Variants in ADCY7 observed in about 807,000 individuals in gnomAD.
The protein encoded by ADCY7 is adenylate cyclase 7.
In ADCY7, 72 loss-of-function variants were observed where a neutral mutation model predicts 120.6. The observed-to-expected ratio is 0.60, with a 90% CI of 0.49 to 0.73. The LOEUF (loss-of-function observed/expected upper bound fraction) is 0.73, where lower values mean the gene tolerates loss of function less well. ADCY7 is among the 30% of genes least tolerant of loss of function. The pLI, the probability that ADCY7 is intolerant of heterozygous loss-of-function variation, is 0.00. For missense variants in ADCY7, 1,227 were observed against 1,486.0 expected (o/e 0.83, Z 2.87); for synonymous variants, 661 against 628.0 (o/e 1.05, Z -0.78).
chr16:50,317,521 C>T lies in ADCY7; in HGVS notation c.*2016C>T, dbSNP rs1457440854. On this transcript the variant is annotated 3_prime_UTR_variant, in exon 26 of 26. Coordinates refer to ENST00000673801, the MANE Select transcript of ADCY7 (RefSeq NM_001114.5). ...TATTTGTTTTTTTCTTCAGTAACAA[C>T]AGAAACCCCAGTTGGGAGTTTAACA... 6.6e-6 allele frequency: 1 copy of T among 152,332 alleles called. No homozygotes were observed. The highest frequency in any genetic ancestry group is 2.4e-5 in the African/African-American group (1 of 41,442). 9.4% of individuals were successfully genotyped at this position (152,332 alleles called of 1,614,324 possible).
rs1236954060 is a variant in ADCY7 at position 50,315,835 on chromosome 16, T to C, written c.*330T>C. 3.9e-6 allele frequency: 1 copy of C among 259,476 alleles called. No individual in the cohort carries two copies. Among genetic ancestry groups the C allele is most frequent in the East Asian group, 8.0e-5 (1 of 12,566 alleles). The allele number at this position is 259,476 out of a possible 1,614,324, so 16.1% of individuals were successfully genotyped here. On this transcript the variant is annotated 3_prime_UTR_variant, in exon 26 of 26. Coordinates refer to ENST00000673801, the MANE Select transcript of ADCY7 (RefSeq NM_001114.5). ...CCAGGCAGGCAACTTTAGCACATGA[T>C]GAAAACAGACTTCCACCTCAGTGGC...
chr16:50,306,171 G>A (rs1339647664), intron 14 of ADCY7, among the ~76,000 whole-genome samples: 2 of 152,236 alleles, frequency 1.3e-5, no homozygotes, highest in Non-Finnish European at 2.9e-5. Context: ...CACCGGCCTT[G>A]CAATGAGACG....
At chr16:50,299,129 A>G in intron 8 of ADCY7, 98 bp downstream of exon 8, 1 of 1,429,268 alleles carries the variant, frequency 7.0e-7, no homozygotes, top group Non-Finnish European at 9.2e-7. Flanking sequence ...AGATGGGGAA[A>G]CTGAGGCTCG....
In ADCY7 at chr16:50,310,895, G is replaced by T; in HGVS notation, c.2354+15G>T. On this transcript the variant is annotated intron_variant, in intron 19 of 25. Transcript: ENST00000673801. ...GGCACCACCAGGTGGGGTCCCGCCC[G>T]TCCCCGTCCCCATCCCCATGGTGGC... The T allele has an allele frequency of 6.4e-7, 1 of 1,566,402 alleles. No homozygotes were observed. The highest frequency in any genetic ancestry group is 1.4e-5 in the African/African-American group (1 of 73,906).
In ADCY7 at chr16:50,317,626, T is replaced by C. The variant is rs575235975; in HGVS notation, c.*2121T>C. 2 of 152,386 alleles carry C rather than the reference T, an allele frequency of 1.3e-5. No homozygotes were observed. Among genetic ancestry groups the C allele is most frequent in the Non-Finnish European group, 2.9e-5 (2 of 68,048 alleles). The allele number at this position is 152,386 out of a possible 1,614,324, so 9.4% of individuals were successfully genotyped here. A position where few individuals can be genotyped will look rare whatever the true frequency, so the allele number is the denominator to read the frequency against. On this transcript the variant is annotated 3_prime_UTR_variant, in exon 26 of 26. Transcript: ENST00000673801. ...TGTGCTGTGCTCAGATAATAATAGT[T>C]TGTAAGTAAAAGTTTTTAGTTTTCA... is the stretch of plus-strand genomic sequence containing the variant.
rs185257697 is a variant in ADCY7, at chr16:50,279,091, C to T, written c.-268-8821C>T. 7.1e-3 allele frequency among the ~76,000 whole-genome samples: 1,079 copies of T among 152,232 alleles called. 6 individuals carry two copies. The highest frequency in any genetic ancestry group is 0.012 in the Non-Finnish European group (795 of 68,008). ...TTCACCATGTTGGCCAGGCTGGTCTCGAACTCCTGGCCTCAAGCTATCCAC... is the reference window on the plus strand; with the variant it reads ...TTCACCATGTTGGCCAGGCTGGTCTTGAACTCCTGGCCTCAAGCTATCCAC... On this transcript the variant is annotated intron_variant, in intron 1 of 25. Transcript: ENST00000673801.
At chr16:50,295,153 T>C (rs1002601078) in intron 7 of ADCY7, among the ~76,000 whole-genome samples, 3 of 152,080 alleles carry the variant, frequency 2.0e-5, no homozygotes, top group African/African-American at 4.8e-5. Flanking sequence ...CTGAGGTGAA[T>C]CATGTGCACA....
At chr16:50,264,285 T>A (rs1474920939), upstream of ADCY7, among the ~76,000 whole-genome samples, 1 of 152,260 alleles carries the variant, frequency 6.6e-6, no homozygotes, top group African/African-American at 2.4e-5. Context: ...TTCATTCATG[T>A]TGTGTGTTAG....
chr16:50,298,065 C>T (rs1312140725), intron 7 of ADCY7, among the ~76,000 whole-genome samples: 1 of 152,008 alleles, frequency 6.6e-6, no homozygotes, highest in Non-Finnish European at 1.5e-5. Context: ...GGGCCTTTTC[C>T]TATGAGTCCC....
At chr16:50,286,279 T>C (rs1477812452) in intron 1 of ADCY7, among the ~76,000 whole-genome samples, 1 of 149,008 alleles carries the variant, frequency 6.7e-6, no homozygotes, top group Admixed American at 6.6e-5. Context: ...CTCAGGTAAT[T>C]CTCCCACCTT....
At chr16:50,279,528 TC>T (rs1161673841) in intron 1 of ADCY7, 1 of 60,068 alleles carries the variant, frequency 1.7e-5, no homozygotes, top group Non-Finnish European at 3.7e-5. Context: ...GATTGCTTAG[TC>T]AGTTGATAAA....
chr16:50,311,582 T>G, intron 19 of ADCY7, 111 bp from the exon 20 acceptor site: 19 of 607,902 alleles, frequency 3.1e-5, no homozygotes, highest in East Asian at 1.5e-4. Context: ...ACCCACCCCA[T>G]TAGAATCAAT....
At position 50,297,786 on chromosome 16, in the gene ADCY7, G is replaced by A. The variant is rs892679966; in HGVS notation, c.949-1118G>A. 6.6e-6 allele frequency among the ~76,000 whole-genome samples: 1 copy of A among 152,218 alleles called. No homozygotes were observed. The highest frequency in any genetic ancestry group is 2.4e-5 in the African/African-American group (1 of 41,470). On this transcript the variant is annotated intron_variant, in intron 7 of 25. Transcript: ENST00000673801. The surrounding 1 kb of genome is among the most constrained non-coding windows in gnomAD (Gnocchi z 4.4). ...CAGGCCTAGCCCTCGTGAGCCTGCA[G>A]GACAGAGCCCTCTTAGCTCCCTCCT...
intron 1 of ADCY7, among the ~76,000 whole-genome samples, chr16:50,251,972 A>T (rs1331200942): frequency 6.6e-6 from 1 of 152,132 alleles, no homozygotes; most frequent in African/African-American, 2.4e-5. Flanking sequence ...GAGGAAGAGG[A>T]GCTGAAGCTT....
rs989232775 is a variant in ADCY7 at position 50,316,048 on chromosome 16, A to G, written c.*543A>G. ...TCTGTAAACGGTTTCAAACAGGTAG[A>G]GAGAAAAACACCACAATTAACACTG... On this transcript the variant is annotated 3_prime_UTR_variant, in exon 26 of 26. Transcript: ENST00000673801. The G allele has an allele frequency of 6.5e-6, 1 of 153,346 alleles. No individual in the cohort carries two copies. The highest frequency in any genetic ancestry group is 2.4e-5 in the African/African-American group (1 of 41,478). The allele number at this position is 153,346 out of a possible 1,614,324, so 9.5% of individuals were successfully genotyped here.
chr16:50,283,325 GTC>G (rs1182406630), intron 1 of ADCY7, among the ~76,000 whole-genome samples: 1 of 152,230 alleles, frequency 6.6e-6, no homozygotes, highest in Non-Finnish European at 1.5e-5. Flanking sequence ...CCAGGCCCCT[GTC>G]TTGTGCCAGT....
intron 1 of ADCY7, among the ~76,000 whole-genome samples, chr16:50,249,688 C>G (rs1424137347): frequency 5.9e-5 from 9 of 152,224 alleles, no homozygotes; most frequent in Admixed American, 5.9e-4. Flanking sequence ...CCCAGTTTGC[C>G]AGGAGGTGGG....
At chr16:50,283,631 G>T (rs991006413) in intron 1 of ADCY7, among the ~76,000 whole-genome samples, 1 of 152,234 alleles carries the variant, frequency 6.6e-6, no homozygotes, top group African/African-American at 2.4e-5. Context: ...CCCCACAGGG[G>T]AGTCCCCTCT....
At chr16:50,301,301 C>T in intron 10 of ADCY7, 87 bp downstream of exon 10, 1 of 1,466,604 alleles carries the variant, frequency 6.8e-7, no homozygotes, top group Non-Finnish European at 9.1e-7. Context: ...TGGAGGAAAC[C>T]CCCATGTGGA....
Sources: allele counts gnomAD v4.1 joint callset (sites outside exome capture counted in the v4.1 genomes callset), GRCh38; gene constraint gnomAD v4.1.1; non-coding constraint Gnocchi (gnomAD v3.1); transcripts MANE v1.5; gene names NCBI Gene and HGNC (gene_info 2026-07-23, HGNC 2026-07-21).